Variants in CERT1 observed in about 807,000 individuals in gnomAD.
CERT1 encodes the protein ceramide transporter 1, also known as ceramide transfer protein.
Under a neutral mutation model 87.9 loss-of-function variants are expected in CERT1, and 31 were observed. The ratio of observed to expected loss-of-function variants is 0.35; its 90% CI spans 0.27 to 0.48. The LOEUF is 0.48. Ranked by LOEUF, CERT1 falls within the 20% of genes least tolerant of loss-of-function variation. The pLI is 0.99. For synonymous variants in CERT1, 289 were observed against 250.9 expected (o/e 1.15, Z -1.44); for missense variants, 487 against 758.0 (o/e 0.64, Z 4.20).
intron 1 of CERT1, among the ~76,000 whole-genome samples, chr5:75,507,435 A>G (rs1767703537): frequency 6.6e-6 from 1 of 152,116 alleles, no homozygotes; most frequent in South Asian, 2.1e-4. Flanking sequence ...AAGCCCCATC[A>G]TTACAACCAC....
intron 3 of CERT1, among the ~76,000 whole-genome samples, chr5:75,451,570 T>C (rs1580789732): frequency 6.6e-6 from 1 of 152,282 alleles, no homozygotes; most frequent in Non-Finnish European, 1.5e-5. Context: ...TCTTAAACAC[T>C]TCCCAGTTAA....
intron 6 of CERT1, among the ~76,000 whole-genome samples, chr5:75,418,118 T>C (rs1763220152): frequency 6.6e-6 from 1 of 152,176 alleles, no homozygotes. Flanking sequence ...ATCACCACAC[T>C]GCACTCCAGC....
Position 75,503,734 on chromosome 5 carries a change from A to G in CERT1, c.231+2248T>C, listed in dbSNP as rs191610830. On this transcript the variant is annotated intron_variant, in intron 2 of 16. Coordinates refer to ENST00000643780, the MANE Select transcript of CERT1 (RefSeq NM_001379029.1). Reference sequence around the variant, plus strand: ...CTACGCATGTCTTTTACTATGTACCACAATGAAAGTTATGCATGTACATAT... The same window carrying G: ...CTACGCATGTCTTTTACTATGTACCGCAATGAAAGTTATGCATGTACATAT... 5.5e-4 allele frequency among the ~76,000 whole-genome samples: 83 copies of G among 149,676 alleles called. 2 individuals are homozygous for G. In the East Asian group the frequency reaches 0.015, roughly 27 times the overall value.
rs548654716 is a variant in CERT1, at chr5:75,433,088, T to C, written c.349-6610A>G. On this transcript the variant is annotated intron_variant, in intron 3 of 16. Transcript: ENST00000643780. ...TTTTTGTACCAGTACTATGCTGTTT[T>C]GTTACTGTAGCATTGTAATACAGTT... Among the ~76,000 whole-genome samples the C allele has an allele frequency of 1.2e-4, 18 of 152,376 alleles. No individual in the cohort carries two copies. The East Asian group carries it at 3.3e-3, about 28-fold the overall frequency.
intron 8 of CERT1, 22 bp from the exon 9 acceptor site, chr5:75,403,080 A>T (rs773052512): frequency 6.6e-7 from 1 of 1,514,736 alleles, no homozygotes; most frequent in Middle Eastern, 1.7e-4. Context: ...CACAGTGGAG[A>T]AAAAAGCAGT....
At chr5:75,493,339 T>A (rs1325860362) in intron 2 of CERT1, among the ~76,000 whole-genome samples, 1 of 152,266 alleles carries the variant, frequency 6.6e-6, no homozygotes, top group Admixed American at 6.5e-5. Context: ...CATGTAAGTA[T>A]GCATCTCTAA....
chr5:75,403,084 A>G, intron 8 of CERT1, 26 bp from the exon 9 acceptor site: 1 of 1,504,356 alleles, frequency 6.6e-7, no homozygotes, highest in Non-Finnish European at 9.2e-7. Flanking sequence ...GTGGAGAAAA[A>G]AGCAGTTTAT....
At chr5:75,415,627 C>T (rs1361512672) in intron 7 of CERT1, among the ~76,000 whole-genome samples, 1 of 152,004 alleles carries the variant, frequency 6.6e-6, no homozygotes, top group Non-Finnish European at 1.5e-5. Flanking sequence ...AGAATATGAT[C>T]CCTTAGTGAA....
At chr5:75,484,936 G>A (rs1766437093) in intron 2 of CERT1, among the ~76,000 whole-genome samples, 1 of 152,030 alleles carries the variant, frequency 6.6e-6, no homozygotes, top group African/African-American at 2.4e-5. Flanking sequence ...TCAGCACATG[G>A]ATCACTCTCA....
At chr5:75,498,004 G>T (rs1293105802) in intron 2 of CERT1, among the ~76,000 whole-genome samples, 1 of 152,208 alleles carries the variant, frequency 6.6e-6, no homozygotes, top group African/African-American at 2.4e-5. Context: ...ATGAAGTCCA[G>T]GGTGAGGTGG....
At chr5:75,439,910 T>C (rs1258505142) in intron 3 of CERT1, among the ~76,000 whole-genome samples, 1 of 152,090 alleles carries the variant, frequency 6.6e-6, no homozygotes, top group African/African-American at 2.4e-5. Context: ...TTCAAATACT[T>C]ATGGGTCCCC....
In CERT1 at chr5:75,388,599, CATATATATATAT is replaced by C. The variant is rs59799780; in HGVS notation, c.1284+981_1284+992del. On this transcript the variant is annotated intron_variant, in intron 12 of 16. Transcript: ENST00000643780. The stretch of plus-strand genomic sequence containing the variant: ...GATGGAGCCAAGTATAGCATGCATG[CATATATATATAT>C]ATATATATATATATATATATATATA... Among the ~76,000 whole-genome samples the C allele has an allele frequency of 2.5e-3, 228 of 91,848 alleles. 2 individuals are homozygous for C. Among genetic ancestry groups the C allele is most frequent in the Middle Eastern group, 0.021 (3 of 142 alleles). 60.3% of individuals were successfully genotyped at this position (91,848 alleles called of 152,430 possible). A position where few individuals can be genotyped will look rare whatever the true frequency, so the allele number is the denominator to read the frequency against.
At chr5:75,455,615 C>T (rs1308259473) in intron 3 of CERT1, among the ~76,000 whole-genome samples, 2 of 152,030 alleles carry the variant, frequency 1.3e-5, no homozygotes, top group Non-Finnish European at 2.9e-5. Flanking sequence ...GAAACAGTTA[C>T]CAATATAATA....
At chr5:75,452,163 A>AGT (rs1764794423) in intron 3 of CERT1, among the ~76,000 whole-genome samples, 1 of 152,200 alleles carries the variant, frequency 6.6e-6, no homozygotes, top group African/African-American at 2.4e-5. Flanking sequence ...ACAATTCCAC[A>AGT]AATATTAAAT....
At chr5:75,510,679 C>T (rs1037981040) in intron 1 of CERT1, among the ~76,000 whole-genome samples, 4 of 152,156 alleles carry the variant, frequency 2.6e-5, no homozygotes, top group Non-Finnish European at 2.9e-5. Context: ...CAGCTTCTGT[C>T]GAAAGAGTTG....
chr5:75,461,224 C>A lies in CERT1; in HGVS notation c.232-2043G>T, dbSNP rs146895547. Among the ~76,000 whole-genome samples, 47 of 152,282 alleles carry A rather than the reference C, an allele frequency of 3.1e-4. 2 individuals carry two copies. Among genetic ancestry groups the A allele is most frequent in the Middle Eastern group, 6.8e-3 (2 of 294 alleles). ...CAGCAGGCAGTAAGCAGCAGGCAAG[C>A]AAGCATTACCACCTGAGCTCTGCCT... On this transcript the variant is annotated intron_variant, in intron 2 of 16. Coordinates refer to ENST00000643780, the MANE Select transcript of CERT1 (RefSeq NM_001379029.1).
chr5:75,389,181 G>A (rs1761930779), intron 12 of CERT1, among the ~76,000 whole-genome samples: 1 of 152,016 alleles, frequency 6.6e-6, no homozygotes, highest in African/African-American at 2.4e-5. Flanking sequence ...GTAAGAGAAG[G>A]GAAAAGAAGG....
At chr5:75,503,550 A>T (rs572982841) in intron 2 of CERT1, among the ~76,000 whole-genome samples, 1 of 151,946 alleles carries the variant, frequency 6.6e-6, no homozygotes, top group South Asian at 2.1e-4. Flanking sequence ...GTGAACCCAA[A>T]GGGCAAGGAA....
At chr5:75,431,080 G>T (rs971668927) in intron 3 of CERT1, among the ~76,000 whole-genome samples, 1 of 152,066 alleles carries the variant, frequency 6.6e-6, no homozygotes, top group Admixed American at 6.6e-5. Context: ...TTAATTTTAG[G>T]TTCAGGCAAT....
Sources: gnomAD v4.1 joint callset for allele counts (sites outside exome capture counted in the v4.1 genomes callset) on GRCh38, gnomAD v4.1.1 for gene constraint, MANE v1.5 for transcripts, NCBI Gene and HGNC (gene_info 2026-07-23, HGNC 2026-07-21) for gene names.